Variants in KAZN observed in about 807,000 individuals in gnomAD.
The protein encoded by KAZN is kazrin, periplakin interacting protein, also known as kazrin.
In KAZN, 40 loss-of-function variants were observed where a neutral mutation model predicts 87.4. That is an observed-to-expected ratio of 0.46 (90% CI 0.36 to 0.60). The LOEUF is 0.60. Ranked by LOEUF, KAZN falls within the 20% of genes least tolerant of loss-of-function variation. KAZN has a pLI of 0.00. For missense variants in KAZN, 898 were observed against 1,073.9 expected (o/e 0.84, Z 2.29); for synonymous variants, 466 against 458.3 (o/e 1.02, Z -0.22).
At chr1:14,951,507 C>T (rs769488936) in intron 1 of KAZN, among the ~76,000 whole-genome samples, 2 of 151,824 alleles carry the variant, frequency 1.3e-5, no homozygotes, top group Non-Finnish European at 2.9e-5. Context: ...GACATAGCCT[C>T]GCTCTGTCAC....
At chr1:14,615,438 G>A (rs1678157302) in intron 1 of KAZN, among the ~76,000 whole-genome samples, 1 of 152,170 alleles carries the variant, frequency 6.6e-6, no homozygotes, top group Non-Finnish European at 1.5e-5. Flanking sequence ...GACCAGCCTG[G>A]CCAACATGGC....
At chr1:14,445,384 C>T (rs1666929151) in intron 2 of KAZN, among the ~76,000 whole-genome samples, 1 of 152,144 alleles carries the variant, frequency 6.6e-6, no homozygotes, top group African/African-American at 2.4e-5. Context: ...TCGGGGAGAT[C>T]AGCACACAAA....
chr1:14,341,798 G>C lies in KAZN; in HGVS notation c.249+161206G>C, dbSNP rs193069774. 2.4e-3 allele frequency among the ~76,000 whole-genome samples: 362 copies of C among 152,228 alleles called. 3 individuals carry two copies. Among genetic ancestry groups the C allele is most frequent in the African/African-American group, 8.4e-3 (349 of 41,538 alleles). ...TACTTCCTGGCAAGCTGTTTTTGTT[G>C]TTGTTTTCTTTAAGCCTATTCTGAA... On this transcript the variant is annotated intron_variant, in intron 2 of 16. Coordinates refer to the KAZN transcript ENST00000636203.
intron 1 of KAZN, among the ~76,000 whole-genome samples, chr1:14,175,751 T>A (rs1646059737): frequency 6.6e-6 from 1 of 152,294 alleles, no homozygotes; most frequent in East Asian, 1.9e-4. Context: ...TCTGTGCATG[T>A]GTAAGCAAAG....
chr1:14,559,005 C>T (rs1571932453), intron 2 of KAZN, among the ~76,000 whole-genome samples: 1 of 152,232 alleles, frequency 6.6e-6, no homozygotes, highest in East Asian at 1.9e-4. Flanking sequence ...GCCCATGGCC[C>T]CAAATGGTTG....
At chr1:15,101,481 CG>C (rs1253816038) in intron 10 of KAZN, 61 bp from the exon 11 acceptor site, 3 of 1,144,130 alleles carry the variant, frequency 2.6e-6, no homozygotes, top group Admixed American at 2.0e-5. Context: ...CATTTCTGCC[CG>C]TCCGTCTGTT....
At chr1:14,549,099 C>G (rs12035490) in intron 2 of KAZN, among the ~76,000 whole-genome samples, 1 of 152,000 alleles carries the variant, frequency 6.6e-6, no homozygotes, top group Non-Finnish European at 1.5e-5. Flanking sequence ...TATAAAAGAG[C>G]GTACATGCTG....
chr1:14,986,876 T>G (rs1480803724), intron 2 of KAZN, among the ~76,000 whole-genome samples: 1 of 152,166 alleles, frequency 6.6e-6, no homozygotes, highest in African/African-American at 2.4e-5. Flanking sequence ...AAGCAGTGAA[T>G]GGTCACTGCT....
At chr1:14,090,287 A>G (rs1020239824) in intron 1 of KAZN, among the ~76,000 whole-genome samples, 2 of 151,964 alleles carry the variant, frequency 1.3e-5, no homozygotes, top group Non-Finnish European at 1.5e-5. Flanking sequence ...CATCTCACTG[A>G]CACTCCATCC....
intron 1 of KAZN, among the ~76,000 whole-genome samples, chr1:14,722,501 C>T (rs1373504411): frequency 6.6e-6 from 1 of 152,118 alleles, no homozygotes; most frequent in Non-Finnish European, 1.5e-5. Flanking sequence ...TCGTTATAAC[C>T]GTGTTTTGTT....
At chr1:14,249,605 A>G (rs1375769775) in intron 2 of KAZN, among the ~76,000 whole-genome samples, 2 of 152,194 alleles carry the variant, frequency 1.3e-5, no homozygotes, top group Non-Finnish European at 2.9e-5. Context: ...AGATGGCCAG[A>G]CCAGCACCCA....
rs575876185 is a variant in KAZN at position 13,894,293 on chromosome 1, A to G, written c.91+537A>G. 5.9e-5 allele frequency among the ~76,000 whole-genome samples: 9 copies of G among 152,200 alleles called. No individual in the cohort carries two copies. In the East Asian group the frequency reaches 1.7e-3, roughly 29 times the overall value. ...ATTCCTCATTAGTCTGTGCTCATGA[A>G]TTTGTCTTCCAAATGGCTCACGTTT... On this transcript the variant is annotated intron_variant, in intron 1 of 16. Transcript: ENST00000636203.
chr1:14,421,839 C>T (rs976296813), intron 2 of KAZN, among the ~76,000 whole-genome samples: 2 of 152,172 alleles, frequency 1.3e-5, no homozygotes, highest in African/African-American at 4.8e-5. Flanking sequence ...TCCCCTCCCC[C>T]GGCCTCTTTC....
chr1:14,811,775 G>A (rs1332993019), intron 1 of KAZN, among the ~76,000 whole-genome samples: 1 of 152,178 alleles, frequency 6.6e-6, no homozygotes, highest in Non-Finnish European at 1.5e-5. Context: ...GATAGTGCAT[G>A]TTATAAATGA....
intron 1 of KAZN, among the ~76,000 whole-genome samples, chr1:13,991,747 C>T (rs1177511820): frequency 6.6e-6 from 1 of 152,140 alleles, no homozygotes; most frequent in Non-Finnish European, 1.5e-5. Context: ...AGCATTTTCA[C>T]TCTTCTGCAC....
chr1:14,106,092 GA>G (rs1236053970), intron 1 of KAZN, among the ~76,000 whole-genome samples: 1 of 152,142 alleles, frequency 6.6e-6, no homozygotes, highest in East Asian at 1.9e-4. Context: ...AAACTAGGGG[GA>G]GAATATTCCA....
chr1:14,194,279 G>A (rs901965156), intron 2 of KAZN, among the ~76,000 whole-genome samples: 2 of 152,158 alleles, frequency 1.3e-5, no homozygotes, highest in African/African-American at 4.8e-5. Flanking sequence ...ACAGAGTCAT[G>A]CTGCTACCCC....
chr1:14,341,999 C>T (rs962669457), intron 2 of KAZN, among the ~76,000 whole-genome samples: 7 of 152,120 alleles, frequency 4.6e-5, no homozygotes, highest in African/African-American at 1.2e-4. Context: ...ACCCTTCAAT[C>T]GGCCCCAGTG....
At chr1:14,802,025 C>T (rs1646049542) in intron 1 of KAZN, among the ~76,000 whole-genome samples, 1 of 152,122 alleles carries the variant, frequency 6.6e-6, no homozygotes, top group Admixed American at 6.5e-5. Context: ...GAGCTGTCCT[C>T]TGAGCCCTTC....
Sources: allele counts gnomAD v4.1 joint callset (sites outside exome capture counted in the v4.1 genomes callset), GRCh38; gene constraint gnomAD v4.1.1; transcripts MANE v1.5; gene names NCBI Gene and HGNC (gene_info 2026-07-23, HGNC 2026-07-21).